ARMC12: variants seen among roughly 807,000 people sequenced by gnomAD.
The protein encoded by ARMC12 is armadillo repeat containing 12.
Under a neutral mutation model 37.4 loss-of-function variants are expected in ARMC12, and 25 were observed. The ratio of observed to expected loss-of-function variants is 0.67; its 90% CI spans 0.49 to 0.93. The LOEUF (loss-of-function observed/expected upper bound fraction) is 0.93, where lower values mean the gene tolerates loss of function less well. Among genes scored for constraint, ARMC12 ranks in the 40% least tolerant of loss-of-function variants. The probability of loss-of-function intolerance (pLI) is 0.00; values close to 1 mark genes in which losing one functional copy is unlikely to be tolerated. For synonymous variants in ARMC12, 167 were observed against 176.1 expected, an observed-to-expected ratio of 0.95 and a Z score of 0.41; for missense variants, 384 against 426.6, an observed-to-expected ratio of 0.90 and a Z score of 0.88.
the ARMC12 span, among the ~76,000 whole-genome samples, chr6:35,731,658 G>C: frequency 6.6e-6 from 1 of 152,162 alleles, no homozygotes; most frequent in East Asian, 1.9e-4. Flanking sequence ...CGCCCTTCTC[G>C]GGCGCGCAGT....
chr6:35,746,044 C>T (rs1581929861), intron 3 of ARMC12, among the ~76,000 whole-genome samples: 1 of 150,458 alleles, frequency 6.6e-6, no homozygotes, highest in African/African-American at 2.5e-5. Flanking sequence ...AGACGGTCTC[C>T]AATAAAATAA....
rs1037802050 is a variant in ARMC12, at chr6:35,747,622, T to C, written c.665T>C (p.Leu222Pro). 1.9e-6 allele frequency: 3 copies of C among 1,614,078 alleles called. No individual in the cohort carries two copies. Among genetic ancestry groups the C allele is most frequent in the African/African-American group, 1.3e-5 (1 of 74,936 alleles). ...AGCTACCTGGCACAGAAGAATGACCTTCTCTATGACATTCTCAACTGCCAG... is the reference window on the plus strand; with the variant it reads ...AGCTACCTGGCACAGAAGAATGACCCTCTCTATGACATTCTCAACTGCCAG... ...LLSYLAQKND[L>P]LYDILNCQVH... The change falls in exon 5 of 6, where the codon CTT becomes CCT. Residue 222 changes from leucine (L) to proline (P), a missense_variant. Physicochemically the swap from Leu to Pro is moderately conservative, Grantham distance 98. Transcript: ENST00000373866.
At position 35,747,270 on chromosome 6, in the gene ARMC12, A is replaced by T; in HGVS notation, c.454A>T (p.Ile152Phe). ...TTCTCCCCCACTCCAGGAACACTCCATCAAAGTACTCGAACTGATCTCCAC... is the reference window on the plus strand; with the variant it reads ...TTCTCCCCCACTCCAGGAACACTCCTTCAAAGTACTCGAACTGATCTCCAC... ...KFRLKIQEHS[I>F]KVLELISTIW... is the part of the protein sequence containing the mutation. Residue 152 changes from isoleucine (I) to phenylalanine (F), a missense_variant, in exon 4 of 6, where the codon ATC becomes TTC. Transcript: ENST00000373866. 2.5e-6 allele frequency: 4 copies of T among 1,612,074 alleles called. No individual in the cohort carries two copies. Among genetic ancestry groups the T allele is most frequent in the South Asian group, 1.1e-5 (1 of 90,980 alleles).
intron 3 of ARMC12, among the ~76,000 whole-genome samples, chr6:35,744,966 G>A (rs902481105): frequency 3.3e-5 from 5 of 152,170 alleles, no homozygotes; most frequent in Admixed American, 1.3e-4. Flanking sequence ...AATTAGTGAC[G>A]ATACCAAATG....
chr6:35,738,594 G>T lies in ARMC12; in HGVS notation c.444+76G>T, dbSNP rs187953567. 5.8e-6 allele frequency: 9 copies of T among 1,544,766 alleles called. No homozygotes were observed. The African/African-American group carries it at 9.6e-5, about 16-fold the overall frequency. Reference sequence around the variant, plus strand: ...GTCCTTTAATTGCCATAGGATAAATGGTCATGTTCCAGAAGTTTGTTTGGG... The same window carrying T: ...GTCCTTTAATTGCCATAGGATAAATTGTCATGTTCCAGAAGTTTGTTTGGG... On this transcript the variant is annotated intron_variant, in intron 3 of 5. Coordinates refer to ENST00000373866, the MANE Select transcript of ARMC12 (RefSeq NM_001286574.2).
At chr6:35,745,599 G>A (rs1767312377) in intron 3 of ARMC12, among the ~76,000 whole-genome samples, 1 of 152,164 alleles carries the variant, frequency 6.6e-6, no homozygotes, top group African/African-American at 2.4e-5. Flanking sequence ...GTGCTGAAAT[G>A]ACATAGAACT....
rs1453850079 is a variant in ARMC12, at chr6:35,748,569, C to T, written c.722C>T (p.Pro241Leu). Residue 241 changes from proline (P) to leucine (L), a missense_variant, in exon 6 of 6, where the codon CCC (proline) becomes CTC (leucine). Coordinates refer to ENST00000373866, the MANE Select transcript of ARMC12 (RefSeq NM_001286574.2). ...VHSNFLNLFQ[P>L]TQSGSLLYEV... Reference sequence around the variant, plus strand: ...TCCAACTTCCTAAACCTGTTCCAGCCCACACAGTCAGGGAGTCTCCTGTAT... The same window carrying T: ...TCCAACTTCCTAAACCTGTTCCAGCTCACACAGTCAGGGAGTCTCCTGTAT... 14 of 1,543,198 alleles carry T rather than the reference C, an allele frequency of 9.1e-6. No homozygotes were observed. Among genetic ancestry groups the T allele is most frequent in the African/African-American group, 1.4e-5 (1 of 73,278 alleles).
intron 3 of ARMC12, among the ~76,000 whole-genome samples, chr6:35,746,427 A>G (rs1767339483): frequency 6.6e-6 from 1 of 152,198 alleles, no homozygotes; most frequent in Non-Finnish European, 1.5e-5. Flanking sequence ...GGCAGATCAC[A>G]TTGGACCGTA....
At chr6:35,737,920 A>G (rs1767021876) in intron 1 of ARMC12, 107 bp from the exon 2 acceptor site, 3 of 1,535,532 alleles carry the variant, frequency 2.0e-6, no homozygotes, top group Non-Finnish European at 2.7e-6. Context: ...GGCTTCTCCG[A>G]AAAGGCAAGG....
At chr6:35,748,102 C>T (rs1039341488) in intron 5 of ARMC12, among the ~76,000 whole-genome samples, 6 of 152,132 alleles carry the variant, frequency 3.9e-5, no homozygotes, top group Admixed American at 6.5e-5. Context: ...TATACCACTA[C>T]AGTGGGAGAT....
In ARMC12 at chr6:35,737,213, C is replaced by T; in HGVS notation, c.105C>T (p.Ile35=). 3 of 1,614,262 alleles carry T rather than the reference C, an allele frequency of 1.9e-6. No homozygotes were observed. The highest frequency in any genetic ancestry group is 2.2e-5 in the East Asian group (1 of 44,884). The change falls in exon 1 of 6, where the codon ATC becomes ATT. Residue 35 remains isoleucine, a synonymous_variant. Transcript: ENST00000373866. ...AGAIYLLYKA[I]KAGIKCKPPL... ...CGATCTACCTGCTCTACAAGGCCAT[C>T]AAGGCTGGCATAAAATGCAAACCAC... is the stretch of plus-strand genomic sequence containing the variant.
chr6:35,737,152 G>T lies in ARMC12; in HGVS notation c.44G>T (p.Arg15Leu). ...IPQYLGQLDI[R>L]KSVVSLATGA... The stretch of plus-strand genomic sequence containing the variant: ...CAATACCTGGGGCAACTGGACATCC[G>T]CAAAAGCGTAGTCAGCCTGGCCACA... The change falls in exon 1 of 6, where the codon CGC becomes CTC. Residue 15 changes from arginine to leucine, a missense_variant. Physicochemically the swap from Arg to Leu is moderately radical, Grantham distance 102 (BLOSUM62 -2). Transcript: ENST00000373866. 1 of 1,614,206 alleles carries T rather than the reference G, an allele frequency of 6.2e-7. No homozygotes were observed. Among genetic ancestry groups the T allele is most frequent in the Non-Finnish European group, 8.5e-7 (1 of 1,180,034 alleles).
At chr6:35,736,163 C>G (rs766588274), upstream of ARMC12, among the ~76,000 whole-genome samples, 2 of 152,212 alleles carry the variant, frequency 1.3e-5, no homozygotes, top group Non-Finnish European at 2.9e-5. Flanking sequence ...GCAAAGGTAG[C>G]TGTCCTCAAG....
chr6:35,747,014 TAG>T (rs1767356965), intron 3 of ARMC12, among the ~76,000 whole-genome samples: 1 of 125,500 alleles, frequency 8.0e-6, no homozygotes, highest in Non-Finnish European at 1.6e-5. Context: ...GTGAGGTAGG[TAG>T]AAAAGAGGAG....
At chr6:35,738,562 T>G in intron 3 of ARMC12, 44 bp downstream of exon 3, 2 of 1,601,030 alleles carry the variant, frequency 1.2e-6, no homozygotes, top group Non-Finnish European at 8.5e-7. Context: ...ATGTCTATAG[T>G]CCTTAAGTCC....
chr6:35,735,960 C>T (rs1376802119), upstream of ARMC12: 3 of 152,194 alleles, frequency 2.0e-5, no homozygotes, highest in Non-Finnish European at 2.9e-5. The surrounding 1 kb of genome is among the most constrained non-coding windows in gnomAD (Gnocchi z 4.0). Context: ...ATGGTAAATC[C>T]GAATCCCTTT....
At position 35,738,399 on chromosome 6, in the gene ARMC12, A is replaced by G. The variant is rs757491238; in HGVS notation, c.325A>G (p.Thr109Ala). 24 of 1,612,900 alleles carry G rather than the reference A, an allele frequency of 1.5e-5. No homozygotes were observed. The highest frequency in any genetic ancestry group is 2.0e-5 in the Non-Finnish European group (24 of 1,179,870). Residue 109 changes from threonine (T) to alanine (A), a missense_variant, in exon 3 of 6, where the codon ACG (threonine) becomes GCG (alanine). By Grantham distance (58) the Thr-to-Ala change is moderately conservative. Coordinates refer to ENST00000373866, the MANE Select transcript of ARMC12 (RefSeq NM_001286574.2). ...LLEAEASACT[T>A]DDIVLLGYML... Reference sequence around the variant, plus strand: ...AATACTCCAGGCCTCTGCTTGTACTACGGATGACATCGTGTTGCTGGGCTA... The same window carrying G: ...AATACTCCAGGCCTCTGCTTGTACTGCGGATGACATCGTGTTGCTGGGCTA...
At chr6:35,739,047 G>GT (rs1767085774) in intron 3 of ARMC12, among the ~76,000 whole-genome samples, 2 of 151,296 alleles carry the variant, frequency 1.3e-5, no homozygotes, top group African/African-American at 4.9e-5. Context: ...TACTATTACT[G>GT]GTTTTTTATA....
At chr6:35,739,004 A>C (rs2151037471) in intron 3 of ARMC12, among the ~76,000 whole-genome samples, 1 of 152,270 alleles carries the variant, frequency 6.6e-6, no homozygotes, top group Non-Finnish European at 1.5e-5. Flanking sequence ...AATTTGCTAG[A>C]ATGGCTCCCA....
Sources: gnomAD v4.1 joint callset for allele counts (sites outside exome capture counted in the v4.1 genomes callset) on GRCh38, gnomAD v4.1.1 for gene constraint, Gnocchi (gnomAD v3.1) non-coding constraint, MANE v1.5 for transcripts, NCBI Gene and HGNC (gene_info 2026-07-23, HGNC 2026-07-21) for gene names.